LRRC37A2: variants seen among roughly 807,000 people sequenced by gnomAD.
LRRC37A2 encodes the protein leucine rich repeat containing 37 member A2, also known as leucine-rich repeat-containing protein 37A2.
In LRRC37A2, 9 loss-of-function variants were observed where a neutral mutation model predicts 68.8. The ratio of observed to expected loss-of-function variants is 0.13; its 90% CI spans 0.08 to 0.23. The LOEUF is 0.23. Among genes scored for constraint, LRRC37A2 ranks in the 10% least tolerant of loss-of-function variants. LRRC37A2 has a pLI of 1.00. For synonymous variants in LRRC37A2, 63 were observed against 367.6 expected (o/e 0.17, Z 9.48); for missense variants, 168 against 950.4 (o/e 0.18, Z 10.82).
the LRRC37A2 span, among the ~76,000 whole-genome samples, chr17:46,896,544 G>A: frequency 0.1 from 15,417 of 151,352 alleles, 2,293 homozygotes; most frequent in African/African-American, 0.33. Flanking sequence ...GCTGAGACAG[G>A]ATGATTGCTT....
chr17:46,923,349 G>T, the LRRC37A2 span: 45 of 1,519,218 alleles, frequency 3.0e-5, no homozygotes, highest in South Asian at 4.4e-4. Context: ...CACTGCTGGG[G>T]ATGCCTCCGA....
the LRRC37A2 span, among the ~76,000 whole-genome samples, chr17:46,772,210 C>T: frequency 6.6e-6 from 1 of 152,234 alleles, no homozygotes; most frequent in South Asian, 2.1e-4. Flanking sequence ...GGATGCTCTC[C>T]TCGCCGCCGC....
chr17:46,935,893 G>T, the LRRC37A2 span: 1 of 985,938 alleles, frequency 1.0e-6, no homozygotes, highest in Non-Finnish European at 1.2e-6. Flanking sequence ...GGTTCTGTCT[G>T]TTATCAGGGT....
the LRRC37A2 span, chr17:46,966,470 C>T: frequency 1.5e-6 from 1 of 646,466 alleles, no homozygotes; most frequent in Non-Finnish European, 2.8e-6. Context: ...ATCTCAGCCT[C>T]CAGGGTAGTT....
chr17:46,746,988 G>C, the LRRC37A2 span, among the ~76,000 whole-genome samples: 1 of 152,168 alleles, frequency 6.6e-6, no homozygotes, highest in African/African-American at 2.4e-5. Context: ...TGGCAACGAG[G>C]CTTTATAGTC....
the LRRC37A2 span, among the ~76,000 whole-genome samples, chr17:47,038,392 G>A: frequency 6.6e-6 from 1 of 151,878 alleles, no homozygotes; most frequent in Non-Finnish European, 1.5e-5. Flanking sequence ...AAGGAAGGAG[G>A]ATTGCTTGAG....
the LRRC37A2 span, among the ~76,000 whole-genome samples, chr17:46,958,971 A>G: frequency 6.6e-6 from 1 of 152,230 alleles, no homozygotes; most frequent in East Asian, 1.9e-4. Context: ...TTTTACCAAA[A>G]TCACTGCCAA....
At chr17:46,707,212 G>A in the LRRC37A2 span, among the ~76,000 whole-genome samples, 6 of 152,130 alleles carry the variant, frequency 3.9e-5, no homozygotes, top group Non-Finnish European at 7.4e-5. Flanking sequence ...GTCTTGATTT[G>A]CATTTTAGTT....
At chr17:46,392,220 T>C in the LRRC37A2 span, among the ~76,000 whole-genome samples, 1,458 of 69,400 alleles carry the variant, frequency 0.021, 178 homozygotes, top group African/African-American at 0.058. Context: ...TTTCTTTTTT[T>C]TTTTTTTTTG....
the LRRC37A2 span, among the ~76,000 whole-genome samples, chr17:46,671,844 TTA>T: frequency 3.5e-5 from 5 of 142,310 alleles, 1 homozygote; most frequent in Non-Finnish European, 7.9e-5. Flanking sequence ...ATTCTTGTGT[TTA>T]TGTTGTTTTG....
At chr17:46,403,782 T>C in the LRRC37A2 span, among the ~76,000 whole-genome samples, 3 of 85,830 alleles carry the variant, frequency 3.5e-5, no homozygotes, top group Non-Finnish European at 7.9e-5. Flanking sequence ...CACTGCAAGC[T>C]CCGCCTCCCG....
the LRRC37A2 span, among the ~76,000 whole-genome samples, chr17:46,725,910 T>G: frequency 6.6e-6 from 1 of 152,180 alleles, no homozygotes; most frequent in African/African-American, 2.4e-5. Context: ...AAGCTAATTC[T>G]TCTATCTGAT....
At chr17:47,014,986 T>A in the LRRC37A2 span, among the ~76,000 whole-genome samples, 2 of 149,756 alleles carry the variant, frequency 1.3e-5, no homozygotes, top group African/African-American at 4.9e-5. Flanking sequence ...GCTATCCCTA[T>A]ATAGGTATAC....
chr17:46,735,952 A>T, the LRRC37A2 span, among the ~76,000 whole-genome samples: 2 of 152,158 alleles, frequency 1.3e-5, no homozygotes, highest in African/African-American at 4.8e-5. Flanking sequence ...TCTCAAAAAA[A>T]GAATTGCCTT....
the LRRC37A2 span, among the ~76,000 whole-genome samples, chr17:46,921,703 A>G: frequency 6.6e-6 from 1 of 152,266 alleles, no homozygotes; most frequent in Non-Finnish European, 1.5e-5. Flanking sequence ...AAAAGAAGAC[A>G]TTTATGCAGC....
chr17:46,794,442 T>G, the LRRC37A2 span, among the ~76,000 whole-genome samples: 2 of 152,144 alleles, frequency 1.3e-5, no homozygotes, highest in Non-Finnish European at 2.9e-5. Context: ...GGTCATCTGG[T>G]CCAGTTTGCA....
At chr17:46,765,216 G>A in the LRRC37A2 span, among the ~76,000 whole-genome samples, 4 of 152,320 alleles carry the variant, frequency 2.6e-5, no homozygotes, top group African/African-American at 9.6e-5. Flanking sequence ...ACTTTACAGA[G>A]GCAGAAACAG....
At chr17:46,750,168 C>T in the LRRC37A2 span, among the ~76,000 whole-genome samples, 2 of 152,154 alleles carry the variant, frequency 1.3e-5, no homozygotes, top group Admixed American at 1.3e-4. Flanking sequence ...GCCTGGCCAA[C>T]ATGGTGAAAC....
chr17:46,822,202 C>T, the LRRC37A2 span, among the ~76,000 whole-genome samples: 1 of 152,210 alleles, frequency 6.6e-6, no homozygotes, highest in Non-Finnish European at 1.5e-5. Flanking sequence ...TTAACTTTCT[C>T]CTAGGAGCTG....
Sources: gnomAD v4.1 joint callset for allele counts (sites outside exome capture counted in the v4.1 genomes callset) on GRCh38, gnomAD v4.1.1 for gene constraint, MANE v1.5 for transcripts, NCBI Gene and HGNC (gene_info 2026-07-23, HGNC 2026-07-21) for gene names.